The following TMEM108 variants were observed in gnomAD, a reference collection of about 807,000 sequenced individuals.
The protein encoded by TMEM108 is transmembrane protein 108, also known as cancer/testis antigen 124.
In TMEM108, 12 loss-of-function variants were observed where a neutral mutation model predicts 35.1. The observed-to-expected ratio is 0.34, with a 90% CI of 0.22 to 0.55. The LOEUF is 0.55. TMEM108 is among the 20% of genes least tolerant of loss of function. TMEM108 has a pLI of 0.89. For missense variants in TMEM108, 680 were observed against 753.3 expected (o/e 0.90, Z 1.14); for synonymous variants, 287 against 308.6 (o/e 0.93, Z 0.73).
In TMEM108 at chr3:133,389,897, A is replaced by G. The variant is rs112538221; in HGVS notation, c.1451-283A>G. Among the ~76,000 whole-genome samples the G allele has an allele frequency of 3.2e-3, 464 of 144,624 alleles. 3 individuals are homozygous for G. The highest frequency in any genetic ancestry group is 0.011 in the African/African-American group (434 of 39,310). 94.9% of individuals were successfully genotyped at this position (144,624 alleles called of 152,430 possible). On this transcript the variant is annotated intron_variant, in intron 4 of 5. Transcript: ENST00000321871. The stretch of plus-strand genomic sequence containing the variant: ...ATGCCTGGGACGTAAGTCCTATATA[A>G]CTATTAACACAGGATTTTTTGATGA...
At chr3:133,394,101 G>A (rs141352338) in intron 5 of TMEM108, among the ~76,000 whole-genome samples, 65 of 152,286 alleles carry the variant, frequency 4.3e-4, no homozygotes, top group Middle Eastern at 3.4e-3. Context: ...ACTATATGAG[G>A]GTAAATGCAG....
intron 2 of TMEM108, among the ~76,000 whole-genome samples, chr3:133,130,732 A>G (rs946723719): frequency 6.6e-6 from 1 of 152,222 alleles, no homozygotes; most frequent in African/African-American, 2.4e-5. Flanking sequence ...TGCAGTGGCC[A>G]CTATTGGAAG....
chr3:133,379,489 A>G (rs1194068757), intron 3 of TMEM108, among the ~76,000 whole-genome samples: 1 of 152,120 alleles, frequency 6.6e-6, no homozygotes, highest in African/African-American at 2.4e-5. Context: ...GCATGTGGGA[A>G]AGGAGGAGCC....
intron 2 of TMEM108, among the ~76,000 whole-genome samples, chr3:133,089,083 A>C (rs909330999): frequency 2.7e-5 from 4 of 150,324 alleles, no homozygotes; most frequent in Non-Finnish European, 6.0e-5. Context: ...TACACTTTTA[A>C]ACAACCAGAT....
Position 133,334,362 on chromosome 3 carries a change from C to A in TMEM108, c.41-45390C>A, listed in dbSNP as rs185365358. On this transcript the variant is annotated intron_variant, in intron 3 of 5. Coordinates refer to ENST00000321871, the MANE Select transcript of TMEM108 (RefSeq NM_023943.4). ...AAACGAGACCCAGTAAGACTGACAACCCTCACTTAAATTAAGGCCATTGAG... is the reference window on the plus strand; with the variant it reads ...AAACGAGACCCAGTAAGACTGACAAACCTCACTTAAATTAAGGCCATTGAG... 1.9e-3 allele frequency among the ~76,000 whole-genome samples: 287 copies of A among 152,248 alleles called. 2 individuals carry two copies. The highest frequency in any genetic ancestry group is 6.6e-3 in the African/African-American group (273 of 41,550).
intron 3 of TMEM108, among the ~76,000 whole-genome samples, chr3:133,316,445 A>G (rs2071200339): frequency 6.6e-6 from 1 of 152,186 alleles, no homozygotes; most frequent in Non-Finnish European, 1.5e-5. Flanking sequence ...TAGCATCATC[A>G]CTTAGAGAGC....
intron 3 of TMEM108, among the ~76,000 whole-genome samples, chr3:133,357,231 T>C (rs1417085437): frequency 1.3e-5 from 2 of 152,246 alleles, no homozygotes; most frequent in Non-Finnish European, 2.9e-5. Flanking sequence ...CGCAGTGAGA[T>C]GCCACCTTAC....
intron 3 of TMEM108, among the ~76,000 whole-genome samples, chr3:133,229,826 T>C (rs889317671): frequency 8.5e-5 from 13 of 152,236 alleles, no homozygotes; most frequent in African/African-American, 2.4e-4. Flanking sequence ...ATGTTATGCA[T>C]AGCTATACAT....
Position 133,258,119 on chromosome 3 carries a change from G to A in TMEM108, c.40+28768G>A, listed in dbSNP as rs866555572. Reference sequence around the variant, plus strand: ...TGGGAGGTGATTAGGTCATGAGGGTGGATCCCTCGTGAATGGGATTAATGC... The same window carrying A: ...TGGGAGGTGATTAGGTCATGAGGGTAGATCCCTCGTGAATGGGATTAATGC... On this transcript the variant is annotated intron_variant, in intron 3 of 5. Transcript: ENST00000321871. Among the ~76,000 whole-genome samples the A allele has an allele frequency of 1.1e-4, 17 of 152,240 alleles. No individual in the cohort carries two copies. The South Asian group carries it at 1.5e-3, about 13-fold the overall frequency.
chr3:133,095,729 C>A (rs941916542), intron 2 of TMEM108, among the ~76,000 whole-genome samples: 1 of 152,034 alleles, frequency 6.6e-6, no homozygotes, highest in Non-Finnish European at 1.5e-5. Context: ...GCCACTGATC[C>A]GACAGGCGGT....
chr3:133,356,671 T>C (rs572111186), intron 3 of TMEM108, among the ~76,000 whole-genome samples: 36 of 151,936 alleles, frequency 2.4e-4, no homozygotes, highest in Non-Finnish European at 5.3e-4. Flanking sequence ...TAAAACCAAA[T>C]ACCTACAGCC....
rs759238336 is a variant in TMEM108 at position 133,113,968 on chromosome 3, T to C, written c.-47+67948T>C. ...TGTTCTACTCTTTTTAGGTCCACTT[T>C]GGGAAAAAAAGGGAAGCTACTACTT... On this transcript the variant is annotated intron_variant, in intron 2 of 5. Transcript: ENST00000321871. 2.2e-4 allele frequency among the ~76,000 whole-genome samples: 33 copies of C among 152,194 alleles called. No homozygotes were observed. In the Middle Eastern group the frequency reaches 0.01, roughly 47 times the overall value.
At chr3:133,110,150 A>G (rs532158293) in intron 2 of TMEM108, among the ~76,000 whole-genome samples, 55 of 152,260 alleles carry the variant, frequency 3.6e-4, no homozygotes, top group African/African-American at 1.3e-3. Flanking sequence ...CAAGCAGACA[A>G]GTAAAAAGGA....
At chr3:133,149,586 T>C (rs548566180) in intron 2 of TMEM108, among the ~76,000 whole-genome samples, 140 of 152,302 alleles carry the variant, frequency 9.2e-4, no homozygotes, top group African/African-American at 3.3e-3. Context: ...GTAAGTGAGA[T>C]CATACAGTAT....
chr3:133,046,367 A>G (rs745417625), intron 2 of TMEM108, among the ~76,000 whole-genome samples: 8 of 152,202 alleles, frequency 5.3e-5, no homozygotes, highest in Non-Finnish European at 1.2e-4. Context: ...TAGCCATGTC[A>G]TATGTTAGCT....
At chr3:133,134,596 A>T (rs1177805600) in intron 2 of TMEM108, among the ~76,000 whole-genome samples, 3 of 151,128 alleles carry the variant, frequency 2.0e-5, no homozygotes, top group East Asian at 1.9e-4. Flanking sequence ...GTTTTTTTTT[A>T]AATTATTATT....
chr3:133,085,514 AT>A lies in TMEM108; in HGVS notation c.-47+39500del, dbSNP rs201445051. The stretch of plus-strand genomic sequence containing the variant: ...ATAAGGATTTCCCCTTTCACTTTTA[AT>A]TTTTTAATGCACGTTACTGTGTACT... On this transcript the variant is annotated intron_variant, in intron 2 of 5. Coordinates refer to ENST00000321871, the MANE Select transcript of TMEM108 (RefSeq NM_023943.4). 2.4e-3 allele frequency among the ~76,000 whole-genome samples: 359 copies of A among 152,248 alleles called. 2 individuals are homozygous for A. The highest frequency in any genetic ancestry group is 8.2e-3 in the African/African-American group (342 of 41,560).
chr3:133,322,428 G>A (rs1216777957), intron 3 of TMEM108, among the ~76,000 whole-genome samples: 10 of 152,042 alleles, frequency 6.6e-5, no homozygotes, highest in African/African-American at 1.9e-4. Context: ...CCTAGAGGAG[G>A]TGGATAAATT....
rs2071216180 is a variant in TMEM108 at position 133,317,655 on chromosome 3, G to C, written c.41-62097G>C. Among the ~76,000 whole-genome samples, 2 of 152,154 alleles carry C rather than the reference G, an allele frequency of 1.3e-5. 1 individual carries two copies. Among genetic ancestry groups the C allele is most frequent in the South Asian group, 4.1e-4 (2 of 4,824 alleles). ...TCATCTTGGCTAGAGATGTTATATG[G>C]TGTGAATGCCCCAAATAATAAGAAC... On this transcript the variant is annotated intron_variant, in intron 3 of 5. Transcript: ENST00000321871.
Sources: gnomAD v4.1 joint callset for allele counts (sites outside exome capture counted in the v4.1 genomes callset) on GRCh38, gnomAD v4.1.1 for gene constraint, MANE v1.5 for transcripts, NCBI Gene and HGNC (gene_info 2026-07-23, HGNC 2026-07-21) for gene names.